The following PLEKHS1 variants were observed in gnomAD, a reference collection of about 807,000 sequenced individuals.
The protein encoded by PLEKHS1 is pleckstrin homology domain-containing family S member 1.
In PLEKHS1, 55 loss-of-function variants were observed where a neutral mutation model predicts 51.0. That is an observed-to-expected ratio of 1.08 (90% CI 0.87 to 1.35). The LOEUF is 1.35. PLEKHS1 is among the 40% of genes most tolerant of loss of function. PLEKHS1 has a pLI of 0.00. For synonymous variants in PLEKHS1, 153 were observed against 144.8 expected (o/e 1.06, Z -0.41); for missense variants, 398 against 423.0 (o/e 0.94, Z 0.52).
At chr10:113,754,052 C>T (rs1041167641) in intron 1 of PLEKHS1, among the ~76,000 whole-genome samples, 1 of 152,130 alleles carries the variant, frequency 6.6e-6, no homozygotes, top group Non-Finnish European at 1.5e-5. Context: ...AAACAATCCG[C>T]CCACCTCAAC....
chr10:113,769,100 G>C lies in PLEKHS1; in HGVS notation c.435+210G>C, dbSNP rs544658108. On this transcript the variant is annotated intron_variant, in intron 6 of 11. Coordinates refer to ENST00000361048, the Ensembl canonical transcript of PLEKHS1. ...AGAGAGCTAAAGTACAGACACTTCA[G>C]ATTTTTATTATTGTGTTAGAGGGAA... Among the ~76,000 whole-genome samples the C allele has an allele frequency of 2.6e-5, 4 of 152,288 alleles. No homozygotes were observed. The East Asian group carries it at 7.7e-4, about 29-fold the overall frequency.
At chr10:113,781,013 C>T (rs1844850587) in exon 12 of PLEKHS1, 2 of 537,414 alleles carry the variant, frequency 3.7e-6, no homozygotes, top group African/African-American at 3.8e-5. Flanking sequence ...ATTATCTCAG[C>T]TATTGTCCCA....
At position 113,780,770 on chromosome 10, in the gene PLEKHS1, G is replaced by A. The variant is rs751844912; in HGVS notation, c.*168G>A. 2.6e-5 allele frequency: 41 copies of A among 1,553,980 alleles called. No individual in the cohort carries two copies. The highest frequency in any genetic ancestry group is 3.2e-5 in the Non-Finnish European group (37 of 1,153,388). ...CATTAAAAAGAGCCAGCAGAAAGGA[G>A]CCAGGGAGTAACGCACCCCAGACCC... On this transcript the variant is annotated 3_prime_UTR_variant, in exon 12 of 12. Coordinates refer to ENST00000361048, the Ensembl canonical transcript of PLEKHS1.
chr10:113,773,050 CTG>C (rs1293525805), intron 8 of PLEKHS1, among the ~76,000 whole-genome samples: 2 of 152,186 alleles, frequency 1.3e-5, no homozygotes, highest in African/African-American at 4.8e-5. Context: ...ATTTCCCAAA[CTG>C]GGGGTTTTCC....
At chr10:113,780,833 C>T in exon 12 of PLEKHS1, 1 of 1,475,804 alleles carries the variant, frequency 6.8e-7, no homozygotes, top group Non-Finnish European at 9.0e-7. Context: ...GACTGTCCAG[C>T]TCTGCCCCCT....
At chr10:113,779,541 G>A (rs557556876) in intron 11 of PLEKHS1, among the ~76,000 whole-genome samples, 2 of 148,886 alleles carry the variant, frequency 1.3e-5, no homozygotes, top group African/African-American at 5.0e-5. Context: ...TTGCACTCCA[G>A]CCCTGGGAAC....
At chr10:113,757,138 C>T (rs774700074) in intron 2 of PLEKHS1, among the ~76,000 whole-genome samples, 77 of 152,250 alleles carry the variant, frequency 5.1e-4, no homozygotes, top group African/African-American at 1.7e-3. Flanking sequence ...TGGTCTTGAA[C>T]GCCTGACCTC....
intron 5 of PLEKHS1, among the ~76,000 whole-genome samples, chr10:113,768,482 T>C (rs1172527481): frequency 1.3e-5 from 2 of 152,226 alleles, no homozygotes; most frequent in Non-Finnish European, 2.9e-5. Context: ...CCCACCTGCA[T>C]AGTTACACAA....
exon 10 of PLEKHS1, chr10:113,774,964 G>T: frequency 6.2e-7 from 1 of 1,614,122 alleles, no homozygotes; most frequent in Non-Finnish European, 8.5e-7. Context: ...CTGCCGATGT[G>T]GAAGCACAGA....
chr10:113,774,203 T>C (rs1388909458), intron 8 of PLEKHS1, 24 bp from the exon 9 acceptor site: 1 of 1,427,544 alleles, frequency 7.0e-7, no homozygotes, highest in South Asian at 1.2e-5. Flanking sequence ...CTGGGATTCT[T>C]ACATCTATTC....
At chr10:113,753,274 C>T (rs185079550) in intron 1 of PLEKHS1, among the ~76,000 whole-genome samples, 5 of 152,256 alleles carry the variant, frequency 3.3e-5, no homozygotes, top group African/African-American at 7.2e-5. Context: ...GGTTGAAAAC[C>T]GCTTGTCCCC....
intron 9 of PLEKHS1, 26 bp from the exon 10 acceptor site, chr10:113,774,800 G>T (rs1423211861): frequency 1.3e-6 from 2 of 1,591,562 alleles, no homozygotes; most frequent in Non-Finnish European, 1.7e-6. Flanking sequence ...CTAAAATAGG[G>T]CTTGTTTTAA....
chr10:113,761,139 T>C lies in PLEKHS1; in HGVS notation c.29-5272T>C, dbSNP rs140422135. Among the ~76,000 whole-genome samples the C allele has an allele frequency of 8.2e-3, 1,247 of 152,324 alleles. 15 individuals carry two copies. The highest frequency in any genetic ancestry group is 0.029 in the African/African-American group (1,196 of 41,562). ...CTCTGAATTCTATTCCATTGGCCTA[T>C]GTGTCTTATCTGTCCTTATACCAAA... On this transcript the variant is annotated intron_variant, in intron 2 of 11. Coordinates refer to ENST00000361048, the Ensembl canonical transcript of PLEKHS1.
At position 113,753,072 on chromosome 10, in the gene PLEKHS1, T is replaced by A. The variant is rs570683248; in HGVS notation, c.-20+1311T>A. Among the ~76,000 whole-genome samples the A allele has an allele frequency of 2.6e-5, 4 of 152,294 alleles. No homozygotes were observed. In the South Asian group the frequency reaches 6.2e-4, roughly 24 times the overall value. ...GCTTTAGAAATATTTTTTAAAATGATTTTTTGGCTTTTTGACAAACAGCAG... is the reference window on the plus strand; with the variant it reads ...GCTTTAGAAATATTTTTTAAAATGAATTTTTGGCTTTTTGACAAACAGCAG... On this transcript the variant is annotated intron_variant, in intron 1 of 11. Coordinates refer to ENST00000361048, the Ensembl canonical transcript of PLEKHS1.
intron 2 of PLEKHS1, 199 bp downstream of exon 2, chr10:113,755,504 A>C: frequency 1.6e-5 from 17 of 1,062,328 alleles, no homozygotes; most frequent in East Asian, 3.6e-5. Flanking sequence ...CTGCCAGCTC[A>C]AGTGATCCTC....
At chr10:113,777,197 G>A in intron 11 of PLEKHS1, 2 of 1,612,834 alleles carry the variant, frequency 1.2e-6, no homozygotes, top group Non-Finnish European at 1.7e-6. Context: ...GGCAGTGAAT[G>A]ACCTGAAACC....
At chr10:113,757,050 G>C (rs1403821690) in intron 2 of PLEKHS1, among the ~76,000 whole-genome samples, 1 of 151,260 alleles carries the variant, frequency 6.6e-6, no homozygotes, top group African/African-American at 2.4e-5. Flanking sequence ...CGAGTAGCTA[G>C]GAGGCGCCTG....
chr10:113,758,848 C>T (rs1375162375), intron 2 of PLEKHS1, among the ~76,000 whole-genome samples: 1 of 152,046 alleles, frequency 6.6e-6, no homozygotes, highest in Non-Finnish European at 1.5e-5. Flanking sequence ...AAAGATCACT[C>T]ATTGCTGGTC....
chr10:113,753,436 T>C (rs931456726), intron 1 of PLEKHS1, among the ~76,000 whole-genome samples: 1 of 152,212 alleles, frequency 6.6e-6, no homozygotes, highest in African/African-American at 2.4e-5. Flanking sequence ...ACAGAATTGC[T>C]CTTCCAGGAA....
Sources: allele counts gnomAD v4.1 joint callset (sites outside exome capture counted in the v4.1 genomes callset), GRCh38; gene constraint gnomAD v4.1.1; transcripts MANE v1.5; gene names NCBI Gene and HGNC (gene_info 2026-07-23, HGNC 2026-07-21).